The following TMEM161B variants were observed in gnomAD, a reference collection of about 807,000 sequenced individuals.
TMEM161B encodes transmembrane protein 161B.
In TMEM161B, 34 loss-of-function variants were observed where a neutral mutation model predicts 61.8. The observed-to-expected ratio is 0.55, with a 90% CI of 0.42 to 0.73. TMEM161B has a LOEUF of 0.73. Ranked by LOEUF, TMEM161B falls within the 30% of genes least tolerant of loss-of-function variation. The pLI is 0.00. For synonymous variants in TMEM161B, 167 were observed against 192.8 expected (o/e 0.87, Z 1.11); for missense variants, 456 against 558.5 (o/e 0.82, Z 1.85).
At chr5:88,228,337 C>A in intron 3 of TMEM161B, 108 bp downstream of exon 3, 1 of 798,282 alleles carries the variant, frequency 1.3e-6, no homozygotes, top group South Asian at 1.8e-5. Context: ...TCAAATTTAT[C>A]AACTACTTAC....
At chr5:88,233,255 A>C (rs2112610286) in intron 2 of TMEM161B, among the ~76,000 whole-genome samples, 1 of 152,362 alleles carries the variant, frequency 6.6e-6, no homozygotes, top group East Asian at 1.9e-4. Flanking sequence ...TACCACATGA[A>C]AGAATGAAAC....
At chr5:88,219,988 T>C (rs1251535436) in intron 5 of TMEM161B, among the ~76,000 whole-genome samples, 1 of 150,936 alleles carries the variant, frequency 6.6e-6, no homozygotes, top group East Asian at 1.9e-4. Flanking sequence ...GATATTTCCA[T>C]GGGAAAAAAA....
chr5:88,188,285 T>A (rs1235299270), downstream of TMEM161B, among the ~76,000 whole-genome samples: 4 of 151,578 alleles, frequency 2.6e-5, no homozygotes, highest in Admixed American at 2.6e-4. Context: ...TTGTATTTTT[T>A]TTTTTTTTTT....
At chr5:88,266,776 C>T (rs1278478490) in intron 1 of TMEM161B, among the ~76,000 whole-genome samples, 1 of 152,196 alleles carries the variant, frequency 6.6e-6, no homozygotes, top group East Asian at 1.9e-4. Context: ...AAATTCCAAG[C>T]ATTAACCACA....
intron 2 of TMEM161B, among the ~76,000 whole-genome samples, chr5:88,236,875 G>C (rs1287365228): frequency 6.6e-6 from 1 of 152,018 alleles, no homozygotes. Flanking sequence ...AATAGAAAAG[G>C]AAAATAATTT....
chr5:88,214,781 C>G (rs1360002873), intron 5 of TMEM161B, among the ~76,000 whole-genome samples: 1 of 152,028 alleles, frequency 6.6e-6, no homozygotes, highest in East Asian at 1.9e-4. Context: ...GTTAGAATTA[C>G]AAATGAGAAA....
chr5:88,261,296 T>C (rs187553119), intron 1 of TMEM161B, among the ~76,000 whole-genome samples: 6 of 152,244 alleles, frequency 3.9e-5, no homozygotes, highest in Admixed American at 2.0e-4. Flanking sequence ...AGATATTCCA[T>C]GTTCATGAAA....
Position 88,196,324 on chromosome 5 carries a change from T to TAA in TMEM161B, c.1349_1350dup (p.Thr451LeufsTer13). The TAA allele has an allele frequency of 6.2e-7, 1 of 1,612,844 alleles. No individual in the cohort carries two copies. Among genetic ancestry groups the TAA allele is most frequent in the Non-Finnish European group, 8.5e-7 (1 of 1,179,442 alleles). On this transcript the variant is annotated frameshift_variant, in exon 12 of 12. Transcript: ENST00000296595. LOFTEE classifies it high-confidence loss of function. The stretch of plus-strand genomic sequence containing the variant: ...AGAAGTCCTCGAAAAAGAAGAGGAG[T>TAA]AAAAATATTTTTTAAGCTGCTCAGT...
intron 5 of TMEM161B, among the ~76,000 whole-genome samples, chr5:88,214,468 A>G (rs1173917650): frequency 2.0e-5 from 3 of 152,112 alleles, no homozygotes; most frequent in Admixed American, 6.5e-5. Flanking sequence ...AAAAAACTAT[A>G]CATTGTAAAA....
At chr5:88,248,870 ATC>A (rs779884906) in intron 1 of TMEM161B, among the ~76,000 whole-genome samples, 2 of 151,978 alleles carry the variant, frequency 1.3e-5, no homozygotes, top group Non-Finnish European at 2.9e-5. Flanking sequence ...ATCCTTTTAA[ATC>A]TCTGTTTACC....
chr5:88,261,730 C>CAAAAAAAA (rs70996464), intron 1 of TMEM161B, among the ~76,000 whole-genome samples: 12 of 49,306 alleles, frequency 2.4e-4, no homozygotes, highest in Admixed American at 5.2e-4. Context: ...CATTCATGTG[C>CAAAAAAAA]AAAAAAAAAA....
In TMEM161B at chr5:88,263,714, T is replaced by C. The variant is rs116594682; in HGVS notation, c.3+5007A>G. ...TATCTTCTGATTTTCTGAAATCAAC[T>C]TAATGCACTTTAAGCTTTTGTTGCG... On this transcript the variant is annotated intron_variant, in intron 1 of 11. Coordinates refer to ENST00000296595, the MANE Select transcript of TMEM161B (RefSeq NM_153354.5). 4.6e-3 allele frequency among the ~76,000 whole-genome samples: 708 copies of C among 152,328 alleles called. 11 individuals are homozygous for C. The highest frequency in any genetic ancestry group is 0.016 in the African/African-American group (682 of 41,576).
At chr5:88,211,593 ACTGAAAAT>A (rs1381227126) in intron 5 of TMEM161B, among the ~76,000 whole-genome samples, 1 of 151,976 alleles carries the variant, frequency 6.6e-6, no homozygotes, top group Non-Finnish European at 1.5e-5. Context: ...AATCCCATCT[ACTGAAAAT>A]ATAAAAATTA....
chr5:88,186,875 C>A (rs1320711777), downstream of TMEM161B, among the ~76,000 whole-genome samples: 2 of 152,024 alleles, frequency 1.3e-5, no homozygotes, highest in South Asian at 2.1e-4. Flanking sequence ...TGCACTCCAG[C>A]CTGGGCAACA....
Position 88,196,385 on chromosome 5 carries a change from C to A in TMEM161B, c.1290G>T (p.Gly430=). Residue 430 remains glycine (G), a synonymous_variant, in exon 12 of 12, where the codon GGG becomes GGT. Coordinates refer to ENST00000296595, the MANE Select transcript of TMEM161B (RefSeq NM_153354.5). ...TTTGTGTAACAGTTACCTTCATTTT[C>A]CCTTCAGCTGATGGTAATTCAGAGT... The part of the protein sequence containing the change: ...SVYSELPSAE[G]KMKVTVTQIT... 6.2e-7 allele frequency: 1 copy of A among 1,613,376 alleles called. No individual in the cohort carries two copies. The highest frequency in any genetic ancestry group is 8.5e-7 in the Non-Finnish European group (1 of 1,179,544).
chr5:88,232,408 T>C (rs965387990), intron 2 of TMEM161B, among the ~76,000 whole-genome samples: 1 of 152,144 alleles, frequency 6.6e-6, no homozygotes, highest in Non-Finnish European at 1.5e-5. Flanking sequence ...AGAACACTTA[T>C]AAGAAATAAC....
chr5:88,209,810 C>T (rs1746339937), intron 5 of TMEM161B, among the ~76,000 whole-genome samples: 1 of 152,058 alleles, frequency 6.6e-6, no homozygotes, highest in African/African-American at 2.4e-5. Context: ...GTGTACTTGC[C>T]ATCTCCTGAG....
At chr5:88,204,287 C>T (rs891573764) in intron 8 of TMEM161B, among the ~76,000 whole-genome samples, 3 of 152,046 alleles carry the variant, frequency 2.0e-5, no homozygotes, top group Non-Finnish European at 4.4e-5. Context: ...CAGAGTGCTA[C>T]AACACAATGA....
chr5:88,207,285 T>G (rs1745696464), intron 5 of TMEM161B, 105 bp from the exon 6 acceptor site: 1 of 1,104,184 alleles, frequency 9.1e-7, no homozygotes, highest in African/African-American at 1.6e-5. Context: ...CAACATTTAT[T>G]TCCAAGTGGA....
Sources: gnomAD v4.1 joint callset for allele counts (sites outside exome capture counted in the v4.1 genomes callset) on GRCh38, gnomAD v4.1.1 for gene constraint, MANE v1.5 for transcripts, NCBI Gene and HGNC (gene_info 2026-07-23, HGNC 2026-07-21) for gene names.